BEST1: variants seen among roughly 807,000 people sequenced by gnomAD.
BEST1 encodes bestrophin 1.
A neutral mutation model predicts 63.3 loss-of-function variants in BEST1; 58 were observed. The ratio of observed to expected loss-of-function variants is 0.92; its 90% CI spans 0.74 to 1.14. The LOEUF (loss-of-function observed/expected upper bound fraction) is 1.14. BEST1 is among the 50% of genes most tolerant of loss of function. The pLI is 0.00. For missense variants in BEST1, 671 were observed against 740.1 expected (o/e 0.91, Z 1.08); for synonymous variants, 283 against 291.6 (o/e 0.97, Z 0.30).
rs1028199998 is a variant in BEST1 at position 61,963,889 on chromosome 11, A to G, written c.1740-215A>G. 3 of 1,349,900 alleles carry G rather than the reference A, an allele frequency of 2.2e-6. No individual in the cohort carries two copies. The African/African-American group carries it at 4.4e-5, about 20-fold the overall frequency. The allele number at this position is 1,349,900 out of a possible 1,614,324, so 83.6% of individuals were successfully genotyped here. A position where few individuals can be genotyped will look rare whatever the true frequency, so the allele number is the denominator to read the frequency against. On this transcript the variant is annotated intron_variant, in intron 10 of 10. Coordinates refer to ENST00000378043, the MANE Select transcript of BEST1 (RefSeq NM_004183.4). ...GCGTCGTGGTGTGCCTGTAGTCCCA[A>G]CGCAGGAGGTTGAGGGGAGAATTGC...
chr11:61,958,581 A>C, intron 7 of BEST1: 1 of 754,256 alleles, frequency 1.3e-6, no homozygotes, highest in Non-Finnish European at 2.2e-6. Flanking sequence ...CAACAACAAA[A>C]CAAAGCCCTA....
At position 61,962,528 on chromosome 11, in the gene BEST1, G is replaced by C; in HGVS notation, c.1374G>C (p.Leu458=). The C allele has an allele frequency of 6.2e-7, 1 of 1,614,184 alleles. No homozygotes were observed. Among genetic ancestry groups the C allele is most frequent in the Non-Finnish European group, 8.5e-7 (1 of 1,180,034 alleles). The stretch of plus-strand genomic sequence containing the variant: ...TGGACGCCTTCAAGTCTGCCCCACT[G>C]TATCAGAGGCCAGGCTACTACAGTG... The part of the protein sequence containing the change: ...KAVDAFKSAP[L]YQRPGYYSAP... Residue 458 remains leucine (L), a synonymous_variant, in exon 10 of 11, where the codon CTG becomes CTC. Coordinates refer to ENST00000378043, the MANE Select transcript of BEST1 (RefSeq NM_004183.4).
rs1941459610 is a variant in BEST1, at chr11:61,957,110, C to T, written c.636+112C>T. On this transcript the variant is annotated intron_variant, in intron 5 of 10. Transcript: ENST00000378043. The stretch of plus-strand genomic sequence containing the variant: ...GGGCCCCTGAGGGTCTTCCGAGAGC[C>T]TGAGGTGGGGTTGCAGAATCTTTTC... 5.3e-6 allele frequency: 8 copies of T among 1,517,156 alleles called. No individual in the cohort carries two copies. The Middle Eastern group carries it at 9.2e-4, about 175-fold the overall frequency. The allele number at this position is 1,517,156 out of a possible 1,614,324, so 94.0% of individuals were successfully genotyped here. A position where few individuals can be genotyped will look rare whatever the true frequency, so the allele number is the denominator to read the frequency against.
Position 61,955,821 on chromosome 11 carries a change from G to C in BEST1, c.351G>C (p.Lys117Asn). The C allele has an allele frequency of 6.4e-7, 1 of 1,550,606 alleles. No individual in the cohort carries two copies. Among genetic ancestry groups the C allele is most frequent in the Non-Finnish European group, 8.7e-7 (1 of 1,146,928 alleles). Residue 117 changes from lysine to asparagine, a missense_variant, in exon 4 of 11, where the codon AAG (lysine) becomes AAC (asparagine). By Grantham distance (94) the Lys-to-Asn change is moderately conservative. Coordinates refer to ENST00000378043, the MANE Select transcript of BEST1 (RefSeq NM_004183.4). The stretch of plus-strand genomic sequence containing the variant: ...TGGTGTCGGGCTTCGTCGAAGGCAA[G>C]GACGAGCAAGGCCGGCTGCTGCGGC... ...MSLVSGFVEG[K>N]DEQGRLLRRT...
intron 1 of BEST1, among the ~76,000 whole-genome samples, chr11:61,950,660 T>C (rs1165360638): frequency 6.6e-6 from 1 of 152,150 alleles, no homozygotes; most frequent in African/African-American, 2.4e-5. Context: ...GGAGGGGGCA[T>C]CAATCACTGC....
chr11:61,959,588 G>C lies in BEST1; in HGVS notation c.948+10G>C. 2 of 1,613,944 alleles carry C rather than the reference G, an allele frequency of 1.2e-6. No homozygotes were observed. Among genetic ancestry groups the C allele is most frequent in the Non-Finnish European group, 1.7e-6 (2 of 1,179,826 alleles). ...CGACAGGAATTTGCAGGTATGGGGAGAGGGAGAGAAACCATACCATGGACC... is the reference window on the plus strand; with the variant it reads ...CGACAGGAATTTGCAGGTATGGGGACAGGGAGAGAAACCATACCATGGACC... On this transcript the variant is annotated intron_variant, in intron 8 of 10. Transcript: ENST00000378043.
In BEST1 at chr11:61,962,653, A is replaced by G; in HGVS notation, c.1499A>G (p.Lys500Arg). 6.2e-7 allele frequency: 1 copy of G among 1,614,186 alleles called. No individual in the cohort carries two copies. Among genetic ancestry groups the G allele is most frequent in the Non-Finnish European group, 8.5e-7 (1 of 1,180,032 alleles). ...GTCACAGGCATAGACACCAAAGACA[A>G]AAGCTTAAAGACTGTGAGTTCTGGG... ...HSVTGIDTKD[K>R]SLKTVSSGAK... Residue 500 changes from lysine (K) to arginine (R), a missense_variant, in exon 10 of 11, where the codon AAA becomes AGA. Lys to Arg is a conservative substitution (Grantham distance 26). Coordinates refer to ENST00000378043, the MANE Select transcript of BEST1 (RefSeq NM_004183.4).
intron 10 of BEST1, chr11:61,963,564 A>G (rs941471058): frequency 9.7e-7 from 1 of 1,025,894 alleles, no homozygotes; most frequent in Non-Finnish European, 1.2e-6. Flanking sequence ...TTCAGCCCCA[A>G]TCACGTGGGA....
At chr11:61,964,797 G>A (rs11554842), downstream of BEST1, 39 of 1,599,974 alleles carry the variant, frequency 2.4e-5, no homozygotes, top group South Asian at 9.9e-5. Flanking sequence ...AGATTCGGGC[G>A]CTCCCATCTT....
downstream of BEST1, chr11:61,964,523 G>C: frequency 1.5e-6 from 1 of 660,166 alleles, no homozygotes; most frequent in Non-Finnish European, 2.6e-6. Context: ...AAGATAGCCT[G>C]GATAGATTTC....
chr11:61,962,575 C>T lies in BEST1; in HGVS notation c.1421C>T (p.Pro474Leu), dbSNP rs1162446542. Residue 474 changes from proline to leucine, a missense_variant, in exon 10 of 11, where the codon CCC becomes CTC. Pro to Leu is a moderately conservative substitution (Grantham distance 98). Coordinates refer to ENST00000378043, the MANE Select transcript of BEST1 (RefSeq NM_004183.4). ...YYSAPQTPLSPTPMFFPLEPS... is the reference protein window; with the variant it reads ...YYSAPQTPLSLTPMFFPLEPS... ...AGTGCCCCACAGACGCCCCTCAGCC[C>T]CACTCCCATGTTCTTCCCCCTAGAA... 4 of 1,614,158 alleles carry T rather than the reference C, an allele frequency of 2.5e-6. No individual in the cohort carries two copies. The highest frequency in any genetic ancestry group is 3.4e-6 in the Non-Finnish European group (4 of 1,180,016).
rs377370089 is a variant in BEST1 at position 61,958,195 on chromosome 11, G to A, written c.764G>A (p.Arg255Gln). ...YSFFLTCLVG[R>Q]QFLNPAKAYP... ...TTCTTCCTGACTTGTCTAGTTGGGC[G>A]GCAGTTTCTGAACCCAGCCAAGGCC... The change falls in exon 7 of 11, where the codon CGG (arginine) becomes CAG (glutamine). Residue 255 changes from arginine to glutamine, a missense_variant. Arg to Gln is a conservative substitution (Grantham distance 43, BLOSUM62 1). Transcript: ENST00000378043. The A allele has an allele frequency of 4.3e-6, 7 of 1,613,946 alleles. No individual in the cohort carries two copies. Among genetic ancestry groups the A allele is most frequent in the East Asian group, 2.2e-5 (1 of 44,876 alleles).
At chr11:61,962,156 G>C (rs2134467377) in intron 9 of BEST1, 99 bp from the exon 10 acceptor site, 2 of 1,347,902 alleles carry the variant, frequency 1.5e-6, no homozygotes, top group Non-Finnish European at 2.1e-6. Context: ...GCCTTGGCTT[G>C]GGCCAACTGA....
chr11:61,955,865 C>G lies in BEST1; in HGVS notation c.395C>G (p.Ala132Gly). Residue 132 changes from alanine to glycine, a missense_variant, in exon 4 of 11, where the codon GCC (alanine) becomes GGC (glycine). Transcript: ENST00000378043. ...CTGCGGCGCACGCTCATCCGCTACG[C>G]CAACCTGGGCAACGTGCTCATCCTG... ...RLLRRTLIRY[A>G]NLGNVLILRS... 6.4e-7 allele frequency: 1 copy of G among 1,550,572 alleles called. No individual in the cohort carries two copies. The highest frequency in any genetic ancestry group is 8.7e-7 in the Non-Finnish European group (1 of 1,146,904).
intron 3 of BEST1, 95 bp downstream of exon 3, chr11:61,955,296 G>A: frequency 6.3e-7 from 1 of 1,590,772 alleles, no homozygotes; most frequent in Admixed American, 1.8e-5. Flanking sequence ...CAAGGGGCTG[G>A]GGAGGGGGCG....
intron 7 of BEST1, 93 bp from the exon 8 acceptor site, chr11:61,959,405 G>C (rs1390112263): frequency 3.3e-6 from 4 of 1,229,486 alleles, no homozygotes; most frequent in Non-Finnish European, 4.8e-6. Context: ...GGGCGTCATG[G>C]GGTGTGGAAA....
rs34046408 is a variant in BEST1, at chr11:61,963,990, C to CA, written c.1740-98dup. ...CCTGGGCGACGGAGTGAGACTGTCT[C>CA]AAAAAAAAAAAAAAAAGGATCGTCT... is the stretch of plus-strand genomic sequence containing the variant. On this transcript the variant is annotated intron_variant, in intron 10 of 10. Coordinates refer to ENST00000378043, the MANE Select transcript of BEST1 (RefSeq NM_004183.4). 0.063 allele frequency: 84,741 copies of CA among 1,350,090 alleles called. 124 individuals carry two copies. The highest frequency in any genetic ancestry group is 0.13 in the East Asian group (4,569 of 35,784). 83.6% of individuals were successfully genotyped at this position (1,350,090 alleles called of 1,614,324 possible).
chr11:61,956,144 G>A (rs1434670398), intron 4 of BEST1, among the ~76,000 whole-genome samples, 193 bp downstream of exon 4: 2 of 152,074 alleles, frequency 1.3e-5, no homozygotes, highest in Admixed American at 6.6e-5. Flanking sequence ...GTGGGGCGAG[G>A]CCAGGAGCCC....
In BEST1 at chr11:61,960,044, G is replaced by A; in HGVS notation, c.1100+1G>A. 6.2e-7 allele frequency: 1 copy of A among 1,607,354 alleles called. No individual in the cohort carries two copies. The highest frequency in any genetic ancestry group is 8.5e-7 in the Non-Finnish European group (1 of 1,177,450). Reference sequence around the variant, plus strand: ...TTATGGGCTCCACCTTCAACATCAGGTGTGGCCAGAGCCAGGGGGCTGGGT... The same window carrying A: ...TTATGGGCTCCACCTTCAACATCAGATGTGGCCAGAGCCAGGGGGCTGGGT... On this transcript the variant is annotated splice_donor_variant, in intron 9 of 10. Transcript: ENST00000378043. LOFTEE classifies it high-confidence loss of function.
Sources: allele counts gnomAD v4.1 joint callset (sites outside exome capture counted in the v4.1 genomes callset), GRCh38; gene constraint gnomAD v4.1.1; transcripts MANE v1.5; gene names NCBI Gene and HGNC (gene_info 2026-07-23, HGNC 2026-07-21).